TMEFF2: variants seen among roughly 807,000 people sequenced by gnomAD.
TMEFF2 encodes transmembrane protein with EGF like and two follistatin like domains 2.
Under a neutral mutation model 53.8 loss-of-function variants are expected in TMEFF2, and 28 were observed. The observed-to-expected ratio is 0.52, with a 90% CI of 0.39 to 0.71. TMEFF2 has a LOEUF of 0.71. Ranked by LOEUF, TMEFF2 falls within the 30% of genes least tolerant of loss-of-function variation. The pLI is 0.00. For synonymous variants in TMEFF2, 162 were observed against 166.3 expected, an observed-to-expected ratio of 0.97 and a Z score of 0.20; for missense variants, 353 against 455.2, an observed-to-expected ratio of 0.78 and a Z score of 2.04.
At chr2:192,083,645 T>C (rs1445532124) in intron 4 of TMEFF2, among the ~76,000 whole-genome samples, 5 of 151,648 alleles carry the variant, frequency 3.3e-5, no homozygotes, top group Admixed American at 3.3e-4. Flanking sequence ...TTACCATATG[T>C]AGTATTTAGA....
At chr2:192,031,565 T>C (rs1390879809) in intron 5 of TMEFF2, 2 of 152,252 alleles carry the variant, frequency 1.3e-5, no homozygotes, top group Non-Finnish European at 2.9e-5. Context: ...AAAAATTTTA[T>C]ATACATTTTA....
intron 4 of TMEFF2, among the ~76,000 whole-genome samples, chr2:192,175,383 G>A (rs1316959994): frequency 6.6e-6 from 1 of 151,566 alleles, no homozygotes; most frequent in African/African-American, 2.4e-5. Context: ...TGAAGCAAAT[G>A]TCTTAATTAT....
intron 7 of TMEFF2, among the ~76,000 whole-genome samples, chr2:191,979,826 ATATATC>A (rs912679983): frequency 6.6e-6 from 1 of 151,770 alleles, no homozygotes; most frequent in Admixed American, 6.6e-5. Context: ...TATGATTAAT[ATATATC>A]TATATATATC....
intron 7 of TMEFF2, among the ~76,000 whole-genome samples, chr2:191,959,864 G>A (rs1055187739): frequency 6.6e-6 from 1 of 152,060 alleles, no homozygotes; most frequent in Non-Finnish European, 1.5e-5. Flanking sequence ...CTATCCAAGT[G>A]CTCTCCAAGC....
At chr2:191,987,769 C>T (rs1367754010) in intron 7 of TMEFF2, among the ~76,000 whole-genome samples, 1 of 152,150 alleles carries the variant, frequency 6.6e-6, no homozygotes, top group Non-Finnish European at 1.5e-5. Flanking sequence ...ATTTGTAAGT[C>T]ATTGGCTCTA....
At chr2:191,964,647 C>T (rs1002287811) in intron 7 of TMEFF2, among the ~76,000 whole-genome samples, 2 of 151,910 alleles carry the variant, frequency 1.3e-5, no homozygotes, top group Non-Finnish European at 2.9e-5. Context: ...ATCCATGTCC[C>T]TTGGTAGACC....
At chr2:192,075,316 T>TAAATATAA (rs1559115188) in intron 4 of TMEFF2, among the ~76,000 whole-genome samples, 1 of 120,572 alleles carries the variant, frequency 8.3e-6, no homozygotes, top group South Asian at 2.5e-4. Context: ...TATATATATA[T>TAAATATAA]ATATATATAT....
At chr2:192,118,070 T>A (rs980981979) in intron 4 of TMEFF2, among the ~76,000 whole-genome samples, 59 of 148,328 alleles carry the variant, frequency 4.0e-4, no homozygotes, top group African/African-American at 1.3e-3. Flanking sequence ...AAAAAAAAAA[T>A]AGATTTGGAA....
At chr2:191,997,274 T>C (rs887776289) in intron 7 of TMEFF2, among the ~76,000 whole-genome samples, 24 of 151,884 alleles carry the variant, frequency 1.6e-4, no homozygotes, top group African/African-American at 5.3e-4. Flanking sequence ...ATGTGGAAAA[T>C]GTTTAAAATA....
intron 4 of TMEFF2, among the ~76,000 whole-genome samples, chr2:192,077,397 C>T (rs147307299): frequency 9.2e-5 from 14 of 152,180 alleles, no homozygotes; most frequent in African/African-American, 2.6e-4. Context: ...CTCTGGTTTT[C>T]GATATGAAAA....
intron 4 of TMEFF2, among the ~76,000 whole-genome samples, chr2:192,135,340 G>T (rs1016342789): frequency 6.6e-6 from 1 of 151,932 alleles, no homozygotes; most frequent in African/African-American, 2.4e-5. Context: ...CTAATCAGAT[G>T]TCCTAGGTCC....
chr2:191,969,141 A>ATATGTGTGTGTG (rs1553508554), intron 7 of TMEFF2, among the ~76,000 whole-genome samples: 3,248 of 150,292 alleles, frequency 0.022, 124 homozygotes, highest in African/African-American at 0.074. Context: ...GTGTGTATCT[A>ATATGTGTGTGTG]TGTGTGTGTG....
At chr2:191,980,791 T>C (rs563387116) in intron 7 of TMEFF2, among the ~76,000 whole-genome samples, 6 of 152,262 alleles carry the variant, frequency 3.9e-5, no homozygotes, top group South Asian at 2.1e-4. Context: ...CTCTTCCTGA[T>C]ACTTTTTTCC....
At chr2:192,082,182 A>AT (rs1398715433) in intron 4 of TMEFF2, among the ~76,000 whole-genome samples, 1 of 152,164 alleles carries the variant, frequency 6.6e-6, no homozygotes, top group Admixed American at 6.5e-5. Flanking sequence ...GATTTTTTAT[A>AT]TTGTTTGAAA....
chr2:191,999,047 G>A lies in TMEFF2; in HGVS notation c.685+13C>T, dbSNP rs558935077. The A allele has an allele frequency of 2.0e-4, 319 of 1,582,882 alleles. 7 individuals are homozygous for A. The South Asian group carries it at 3.5e-3, about 18-fold the overall frequency. On this transcript the variant is annotated intron_variant, in intron 6 of 9. Transcript: ENST00000272771. ...AAATCATTCTTTGAAATGAATTTTG[G>A]TATGAACATTACCTTGACATCGACC...
chr2:192,096,672 T>G (rs199610791), intron 4 of TMEFF2, among the ~76,000 whole-genome samples: 9 of 5,176 alleles, frequency 1.7e-3, no homozygotes, highest in Admixed American at 3.8e-3. Context: ...CTCTCTCTCT[T>G]TTTTTTTTTT....
chr2:192,018,915 A>T (rs1221783079), intron 5 of TMEFF2, among the ~76,000 whole-genome samples: 3 of 151,998 alleles, frequency 2.0e-5, no homozygotes, highest in African/African-American at 7.2e-5. Context: ...TACTTATGTG[A>T]TCAAATAAAT....
At chr2:192,058,486 CT>C (rs1687965957) in intron 4 of TMEFF2, among the ~76,000 whole-genome samples, 1 of 151,888 alleles carries the variant, frequency 6.6e-6, no homozygotes, top group South Asian at 2.1e-4. Flanking sequence ...GATATTGGTC[CT>C]TTTTTCCTCT....
intron 5 of TMEFF2, among the ~76,000 whole-genome samples, chr2:192,012,037 C>T (rs577472209): frequency 6.6e-6 from 1 of 152,128 alleles, no homozygotes; most frequent in Non-Finnish European, 1.5e-5. Context: ...TAGGCGCCCA[C>T]GACCTCGCCC....
Sources: allele counts gnomAD v4.1 joint callset (sites outside exome capture counted in the v4.1 genomes callset), GRCh38; gene constraint gnomAD v4.1.1; transcripts MANE v1.5; gene names NCBI Gene and HGNC (gene_info 2026-07-23, HGNC 2026-07-21).